The following LSAMP variants were observed in gnomAD, a reference collection of about 807,000 sequenced individuals.
The protein encoded by LSAMP is limbic system associated membrane protein.
A neutral mutation model predicts 38.6 loss-of-function variants in LSAMP; 7 were observed. The ratio of observed to expected loss-of-function variants is 0.18; its 90% CI spans 0.10 to 0.34. The LOEUF (loss-of-function observed/expected upper bound fraction) is 0.34. LSAMP is among the 10% of genes least tolerant of loss of function. The probability of loss-of-function intolerance (pLI) is 1.00; values close to 1 mark genes in which losing one functional copy is unlikely to be tolerated. For missense variants in LSAMP, 313 were observed against 420.0 expected (o/e 0.75, Z 2.23); for synonymous variants, 154 against 166.8 (o/e 0.92, Z 0.59).
At chr3:115,854,478 T>A (rs923840257) in intron 3 of LSAMP, among the ~76,000 whole-genome samples, 1 of 151,828 alleles carries the variant, frequency 6.6e-6, no homozygotes, top group African/African-American at 2.4e-5. Flanking sequence ...GAGACGGGGT[T>A]TCACCGTGTT....
chr3:115,820,327 G>A (rs1238256939), intron 6 of LSAMP, among the ~76,000 whole-genome samples: 1 of 152,114 alleles, frequency 6.6e-6, no homozygotes, highest in Non-Finnish European at 1.5e-5. Flanking sequence ...AATAAGTATG[G>A]CAGTGAAGGT....
In LSAMP at chr3:115,896,884, G is replaced by T. The variant is rs1285517858; in HGVS notation, c.515-44267C>A. Among the ~76,000 whole-genome samples, 4 of 152,014 alleles carry T rather than the reference G, an allele frequency of 2.6e-5. No homozygotes were observed. In the South Asian group the frequency reaches 6.2e-4, roughly 24 times the overall value. On this transcript the variant is annotated intron_variant, in intron 3 of 6. Coordinates refer to ENST00000490035, the MANE Select transcript of LSAMP (RefSeq NM_002338.5). ...GCAGGATTTCTATGCCCTGAACATG[G>T]GTTCCTAAGTTCCAATGTGCCCATG...
chr3:116,099,424 CTTTA>C (rs1465856168), intron 1 of LSAMP, among the ~76,000 whole-genome samples: 1 of 151,820 alleles, frequency 6.6e-6, no homozygotes, highest in Non-Finnish European at 1.5e-5. Flanking sequence ...GAAATTGTTC[CTTTA>C]TTTTTCCTGG....
At chr3:115,869,269 GGAGAGAGAGA>G (rs35112915) in intron 3 of LSAMP, among the ~76,000 whole-genome samples, 4 of 128,522 alleles carry the variant, frequency 3.1e-5, no homozygotes, top group South Asian at 2.6e-4. Context: ...TCTTGGAGGG[GGAGAGAGAGA>G]GAGAGAGAGA....
intron 1 of LSAMP, among the ~76,000 whole-genome samples, chr3:116,219,380 C>T (rs2046256282): frequency 6.6e-6 from 1 of 152,160 alleles, no homozygotes; most frequent in Middle Eastern, 3.2e-3. Flanking sequence ...GTTTCTACAG[C>T]TTGGGTATTG....
chr3:116,293,519 G>A (rs922245324), intron 1 of LSAMP, among the ~76,000 whole-genome samples: 1 of 152,108 alleles, frequency 6.6e-6, no homozygotes, highest in African/African-American at 2.4e-5. Flanking sequence ...ACAAAAAAAT[G>A]GAGGATTGAA....
chr3:116,019,716 C>G, intron 2 of LSAMP, 76 bp from the exon 3 acceptor site: 1 of 1,498,560 alleles, frequency 6.7e-7, no homozygotes, highest in Admixed American at 1.7e-5. Context: ...CTGGAAGTGG[C>G]AAATTCAAGG....
At chr3:116,258,833 T>A (rs539939145) in intron 1 of LSAMP, among the ~76,000 whole-genome samples, 2 of 152,262 alleles carry the variant, frequency 1.3e-5, no homozygotes, top group East Asian at 3.9e-4. Context: ...ACTGCTCAAT[T>A]AAAAAGATAG....
intron 1 of LSAMP, among the ~76,000 whole-genome samples, chr3:116,235,463 G>C (rs140817838): frequency 1.5e-3 from 235 of 152,064 alleles, no homozygotes; most frequent in African/African-American, 5.5e-3. Flanking sequence ...GTGCACAAAA[G>C]GGAGAAATGG....
At chr3:115,856,640 A>T (rs1023196065) in intron 3 of LSAMP, among the ~76,000 whole-genome samples, 3 of 151,828 alleles carry the variant, frequency 2.0e-5, no homozygotes, top group African/African-American at 7.3e-5. Flanking sequence ...AAAGAAAAGA[A>T]AACAGAAACT....
intron 1 of LSAMP, among the ~76,000 whole-genome samples, chr3:116,413,987 T>C (rs183285327): frequency 5.1e-4 from 77 of 151,722 alleles, no homozygotes; most frequent in African/African-American, 1.8e-3. Context: ...ATGTCTCTAA[T>C]AGTTAATCAA....
chr3:115,846,764 T>C (rs1176233541), intron 4 of LSAMP, among the ~76,000 whole-genome samples: 1 of 152,072 alleles, frequency 6.6e-6, no homozygotes, highest in African/African-American at 2.4e-5. Flanking sequence ...TAGGAAAAAA[T>C]ACCATTCAGG....
In LSAMP at chr3:115,886,453, GAAC is replaced by G. The variant is rs150042338; in HGVS notation, c.515-33839_515-33837del. Among the ~76,000 whole-genome samples the G allele has an allele frequency of 1.1e-3, 171 of 152,044 alleles. 2 individuals carry two copies. The East Asian group carries it at 0.031, about 27-fold the overall frequency. On this transcript the variant is annotated intron_variant, in intron 3 of 6. Transcript: ENST00000490035. ...TGACAATATGCACTATTTAAAATCA[GAAC>G]AACAAAAGGTGGTTATTTAGTTGAA...
intron 3 of LSAMP, among the ~76,000 whole-genome samples, chr3:115,878,498 G>A (rs965467687): frequency 2.1e-5 from 2 of 93,140 alleles, no homozygotes; most frequent in East Asian, 7.5e-4. Flanking sequence ...CTCTTGCTCT[G>A]TTACCCAGGC....
chr3:116,321,289 C>T (rs549428726), intron 1 of LSAMP, among the ~76,000 whole-genome samples: 102 of 152,162 alleles, frequency 6.7e-4, no homozygotes, highest in African/African-American at 2.2e-3. Context: ...GGGAGGATTG[C>T]TTTAGCCCAG....
intron 1 of LSAMP, among the ~76,000 whole-genome samples, chr3:116,414,319 C>T (rs2107844756): frequency 6.6e-6 from 1 of 152,218 alleles, no homozygotes; most frequent in African/African-American, 2.4e-5. Flanking sequence ...ATTCTCTACC[C>T]TGCAGCGCAG....
intron 1 of LSAMP, among the ~76,000 whole-genome samples, chr3:116,180,628 T>C (rs1020963411): frequency 7.2e-5 from 11 of 152,156 alleles, no homozygotes; most frequent in African/African-American, 2.7e-4. Context: ...ATGTGAAATA[T>C]GCCTGTATTT....
At chr3:115,891,439 G>A (rs1405499702) in intron 3 of LSAMP, among the ~76,000 whole-genome samples, 1 of 152,018 alleles carries the variant, frequency 6.6e-6, no homozygotes, top group South Asian at 2.1e-4. Context: ...GCTGAGCCAC[G>A]TCATCCCAGT....
chr3:115,905,813 A>G (rs1010372169), intron 3 of LSAMP, among the ~76,000 whole-genome samples: 2 of 152,130 alleles, frequency 1.3e-5, no homozygotes, highest in Non-Finnish European at 2.9e-5. Flanking sequence ...GCTGCTTCTC[A>G]GGAGCATCTC....
Sources: gnomAD v4.1 joint callset for allele counts (sites outside exome capture counted in the v4.1 genomes callset) on GRCh38, gnomAD v4.1.1 for gene constraint, MANE v1.5 for transcripts, NCBI Gene and HGNC (gene_info 2026-07-23, HGNC 2026-07-21) for gene names.